ERMP1: variants seen among roughly 807,000 people sequenced by gnomAD.
ERMP1 encodes Felix-ina.
Under a neutral mutation model 92.0 loss-of-function variants are expected in ERMP1, and 86 were observed. The ratio of observed to expected loss-of-function variants is 0.93; its 90% CI spans 0.79 to 1.12. ERMP1 has a LOEUF of 1.12. Ranked by LOEUF, ERMP1 falls within the 50% of genes most tolerant of loss-of-function variation. The pLI is 0.00. For synonymous variants in ERMP1, 530 were observed against 412.8 expected (o/e 1.28, Z -3.44); for missense variants, 1,342 against 1,116.3 (o/e 1.20, Z -2.88).
chr9:5,855,323 G>A (rs1830360324), intron 6 of ERMP1, among the ~76,000 whole-genome samples: 1 of 152,212 alleles, frequency 6.6e-6, no homozygotes, highest in Non-Finnish European at 1.5e-5. Context: ...ACCACTGAGA[G>A]CAATTAGCCA....
chr9:5,805,873 G>A, intron 8 of ERMP1, 88 bp from the exon 9 acceptor site: 1 of 1,029,348 alleles, frequency 9.7e-7, no homozygotes, highest in Non-Finnish European at 1.4e-6. Context: ...CCATCACTCA[G>A]GAAAGCTACA....
Position 5,832,887 on chromosome 9 carries a change from C to G in ERMP1, c.141G>C (p.Gly47=), listed in dbSNP as rs1563775148. The G allele has an allele frequency of 1.9e-6, 3 of 1,539,100 alleles. No homozygotes were observed. The highest frequency in any genetic ancestry group is 5.3e-5 in the East Asian group (2 of 38,038). The change falls in exon 1 of 15, where the codon GGG becomes GGC. Residue 47 remains glycine, a synonymous_variant. Transcript: ENST00000339450. ...CCCCGGGGCTCCTCTTCCGCGTCCTCCCGCCGCCGCTGCACCCATCCACCA... is the reference window on the plus strand; with the variant it reads ...CCCCGGGGCTCCTCTTCCGCGTCCTGCCGCCGCCGCTGCACCCATCCACCA... ...EPLVDGCSGG[G]RTRKRSPGGS...
At chr9:5,856,140 T>C in intron 6 of ERMP1, 2 of 329,212 alleles carry the variant, frequency 6.1e-6, no homozygotes, top group South Asian at 5.9e-5. Context: ...ACTTCATATA[T>C]TTTGTCTTCA....
intron 4 of ERMP1, among the ~76,000 whole-genome samples, chr9:5,813,481 T>C (rs1240429922): frequency 6.6e-6 from 1 of 152,210 alleles, no homozygotes; most frequent in African/African-American, 2.4e-5. Context: ...TCTGAAATGC[T>C]TGGGATCAGA....
chr9:5,848,519 C>T (rs1353993991), intron 6 of ERMP1, among the ~76,000 whole-genome samples: 1 of 152,216 alleles, frequency 6.6e-6, no homozygotes, highest in South Asian at 2.1e-4. Flanking sequence ...AGCTAATACA[C>T]ATCCAGATAC....
At chr9:5,798,689 A>C in intron 12 of ERMP1, 117 bp downstream of exon 12, 1 of 616,856 alleles carries the variant, frequency 1.6e-6, no homozygotes, top group South Asian at 2.4e-5. Context: ...TAGAAAAAAT[A>C]GTACAAACAC....
chr9:5,809,371 CATA>C (rs766909211), intron 8 of ERMP1, among the ~76,000 whole-genome samples: 3 of 152,208 alleles, frequency 2.0e-5, no homozygotes, highest in Non-Finnish European at 4.4e-5. Context: ...CATTTGAAAC[CATA>C]ATAATATAAC....
chr9:5,804,057 CAAAGT>C (rs933214482), intron 10 of ERMP1, among the ~76,000 whole-genome samples: 4 of 152,096 alleles, frequency 2.6e-5, no homozygotes, highest in African/African-American at 9.7e-5. Flanking sequence ...CTAACTTCCA[CAAAGT>C]AAAGGGGTAA....
chr9:5,831,092 T>C, intron 1 of ERMP1, 64 bp from the exon 2 acceptor site: 3 of 1,316,076 alleles, frequency 2.3e-6, no homozygotes, highest in Middle Eastern at 2.1e-4. Context: ...GTGGGTAACT[T>C]TTCCACTACA....
intron 6 of ERMP1, among the ~76,000 whole-genome samples, chr9:5,842,253 T>C (rs908153088): frequency 3.9e-5 from 6 of 152,050 alleles, no homozygotes; most frequent in South Asian, 2.1e-4. Context: ...TGGTCCGTTT[T>C]TACAGAGTGA....
intron 13 of ERMP1, among the ~76,000 whole-genome samples, chr9:5,795,770 T>TCC (rs1828399433): frequency 6.6e-6 from 1 of 151,980 alleles, no homozygotes; most frequent in African/African-American, 2.4e-5. Context: ...AGAGTGAGAC[T>TCC]GTCTCAAAAA....
In ERMP1 at chr9:5,786,961, C is replaced by T. The variant is rs1204909812; in HGVS notation, c.*183G>A. Reference sequence around the variant, plus strand: ...CATTTTCAAGTGTCAACAGGCCATGCATCACTGCGCCACAGCTAAACCCTT... The same window carrying T: ...CATTTTCAAGTGTCAACAGGCCATGTATCACTGCGCCACAGCTAAACCCTT... On this transcript the variant is annotated 3_prime_UTR_variant, in exon 15 of 15. Coordinates refer to ENST00000339450, the MANE Select transcript of ERMP1 (RefSeq NM_024896.3). The T allele has an allele frequency of 5.6e-6, 3 of 532,920 alleles. No individual in the cohort carries two copies. Among genetic ancestry groups the T allele is most frequent in the South Asian group, 2.6e-5 (1 of 38,324 alleles). The allele number at this position is 532,920 out of a possible 1,614,324, so 33.0% of individuals were successfully genotyped here.
chr9:5,796,431 A>C (rs1191372624), intron 13 of ERMP1, among the ~76,000 whole-genome samples: 1 of 152,236 alleles, frequency 6.6e-6, no homozygotes, highest in Non-Finnish European at 1.5e-5. Flanking sequence ...TCCAGCAATC[A>C]CACTCCTAAG....
chr9:5,852,259 T>TG (rs1207232451), intron 6 of ERMP1, among the ~76,000 whole-genome samples: 2 of 151,398 alleles, frequency 1.3e-5, no homozygotes, highest in East Asian at 1.9e-4. Context: ...AGTGTTTTTT[T>TG]TTGTTTTTTT....
intron 5 of ERMP1, among the ~76,000 whole-genome samples, chr9:5,866,064 T>G (rs2129794253): frequency 6.6e-6 from 1 of 152,282 alleles, no homozygotes. Context: ...TGTGAACACT[T>G]TATCATTATG....
chr9:5,845,287 G>C (rs1426522648), intron 6 of ERMP1, among the ~76,000 whole-genome samples: 4 of 152,118 alleles, frequency 2.6e-5, no homozygotes, highest in African/African-American at 9.7e-5. Context: ...TTCTTGTCAG[G>C]TGTTTTTGCT....
At chr9:5,824,685 G>C (rs1411042885) in intron 3 of ERMP1, among the ~76,000 whole-genome samples, 2 of 152,136 alleles carry the variant, frequency 1.3e-5, no homozygotes. Flanking sequence ...ATAGGCATGA[G>C]CCAGCGTGCC....
chr9:5,803,030 C>T (rs1193398139), intron 10 of ERMP1, among the ~76,000 whole-genome samples: 1 of 143,224 alleles, frequency 7.0e-6, no homozygotes, highest in Non-Finnish European at 1.6e-5. Flanking sequence ...GAGACTCTGT[C>T]TCAAAAACAA....
At chr9:5,812,496 G>A (rs987139203) in intron 5 of ERMP1, among the ~76,000 whole-genome samples, 1 of 152,134 alleles carries the variant, frequency 6.6e-6, no homozygotes, top group South Asian at 2.1e-4. Flanking sequence ...AGTTTGGGAG[G>A]TCATGAAAAT....
Sources: allele counts gnomAD v4.1 joint callset (sites outside exome capture counted in the v4.1 genomes callset), GRCh38; gene constraint gnomAD v4.1.1; transcripts MANE v1.5; gene names NCBI Gene and HGNC (gene_info 2026-07-23, HGNC 2026-07-21).